PCSK5: variants seen among roughly 807,000 people sequenced by gnomAD.
PCSK5 encodes proprotein convertase subtilisin/kexin type 5.
A neutral mutation model predicts 233.2 loss-of-function variants in PCSK5; 129 were observed. The observed-to-expected ratio is 0.55, with a 90% CI of 0.48 to 0.64. The LOEUF (loss-of-function observed/expected upper bound fraction) is 0.64. PCSK5 is among the 30% of genes least tolerant of loss of function. The pLI is 0.00. For synonymous variants in PCSK5, 825 were observed against 879.2 expected, an observed-to-expected ratio of 0.94 and a Z score of 1.09; for missense variants, 2,076 against 2,430.1, an observed-to-expected ratio of 0.85 and a Z score of 3.06.
intron 35 of PCSK5, 116 bp from the exon 36 acceptor site, chr9:76,350,712 A>G: frequency 1.4e-6 from 1 of 698,656 alleles, no homozygotes; most frequent in South Asian, 1.8e-5. Context: ...TCCTCAATCA[A>G]TTCACCCTTC....
At chr9:76,166,055 T>A (rs972174910) in intron 12 of PCSK5, among the ~76,000 whole-genome samples, 10 of 152,196 alleles carry the variant, frequency 6.6e-5, no homozygotes, top group African/African-American at 1.9e-4. Flanking sequence ...AAGTATTGAA[T>A]CCAAGTTAAA....
intron 24 of PCSK5, among the ~76,000 whole-genome samples, chr9:76,285,556 G>T (rs7045119): frequency 4.0e-5 from 6 of 151,888 alleles, no homozygotes; most frequent in South Asian, 2.1e-4. Flanking sequence ...CAAGTGGTAG[G>T]GGGGGAGTCT....
intron 2 of PCSK5, among the ~76,000 whole-genome samples, chr9:75,956,206 C>G (rs1645000415): frequency 6.6e-6 from 1 of 152,182 alleles, no homozygotes; most frequent in South Asian, 2.1e-4. Flanking sequence ...AAGTTTTGGC[C>G]TTGGCATACT....
intron 1 of PCSK5, among the ~76,000 whole-genome samples, chr9:75,892,089 C>T (rs1028452173): frequency 6.6e-6 from 1 of 152,082 alleles, no homozygotes; most frequent in Non-Finnish European, 1.5e-5. Flanking sequence ...GGTTCCGCTC[C>T]GGGAAAACGA....
At chr9:76,260,306 C>T (rs1827128383) in intron 24 of PCSK5, among the ~76,000 whole-genome samples, 1 of 152,112 alleles carries the variant, frequency 6.6e-6, no homozygotes, top group African/African-American at 2.4e-5. Flanking sequence ...ATCCTCAGAG[C>T]CTATGAATAT....
intron 2 of PCSK5, among the ~76,000 whole-genome samples, chr9:75,977,656 G>GC (rs559286684): frequency 6.6e-5 from 10 of 150,542 alleles, no homozygotes; most frequent in Non-Finnish European, 1.2e-4. Context: ...TGTGACCCAG[G>GC]CAGGAGTGCA....
At chr9:76,053,603 C>T (rs1477783342) in intron 5 of PCSK5, among the ~76,000 whole-genome samples, 2 of 152,180 alleles carry the variant, frequency 1.3e-5, no homozygotes, top group African/African-American at 4.8e-5. Flanking sequence ...GAAAATACCA[C>T]AGTCTCTTTC....
At chr9:76,089,124 C>T (rs1831183853) in intron 7 of PCSK5, among the ~76,000 whole-genome samples, 1 of 152,022 alleles carries the variant, frequency 6.6e-6, no homozygotes, top group Non-Finnish European at 1.5e-5. Flanking sequence ...TGTCTCTCTC[C>T]AACTTCTTCC....
chr9:76,236,401 T>C (rs1475704013), intron 22 of PCSK5, among the ~76,000 whole-genome samples: 2 of 152,170 alleles, frequency 1.3e-5, no homozygotes, highest in Non-Finnish European at 2.9e-5. Flanking sequence ...CAATCCAAAC[T>C]CTTGTCCCCT....
chr9:75,908,008 A>G (rs932412087), intron 1 of PCSK5, among the ~76,000 whole-genome samples: 4 of 152,244 alleles, frequency 2.6e-5, no homozygotes, highest in Non-Finnish European at 5.9e-5. Context: ...TCCAGAGAGA[A>G]GGAGGGATTG....
intron 9 of PCSK5, among the ~76,000 whole-genome samples, chr9:76,118,346 G>C (rs1832510274): frequency 6.7e-6 from 1 of 148,898 alleles, no homozygotes; most frequent in Non-Finnish European, 1.5e-5. Flanking sequence ...GACTCATTCT[G>C]ATTATATATA....
chr9:76,071,618 A>C (rs1830483497), intron 6 of PCSK5, 108 bp from the exon 7 acceptor site: 1 of 886,766 alleles, frequency 1.1e-6, no homozygotes, highest in South Asian at 1.7e-5. Flanking sequence ...TGCTCACTTA[A>C]GTGTTGATTA....
rs539592288 is a variant in PCSK5 at position 76,205,917 on chromosome 9, C to G, written c.2626+16171C>G. On this transcript the variant is annotated intron_variant, in intron 20 of 37. Coordinates refer to ENST00000674117, the MANE Select transcript of PCSK5 (RefSeq NM_001372043.1). The stretch of plus-strand genomic sequence containing the variant: ...TGGCAAGTTTGGAAATATGCTTGCA[C>G]TGTGCACATTGGCCACTTTCTACTA... Among the ~76,000 whole-genome samples the G allele has an allele frequency of 3.3e-5, 5 of 152,246 alleles. No individual in the cohort carries two copies. In the South Asian group the frequency reaches 1.0e-3, roughly 32 times the overall value.
chr9:76,334,581 AC>A (rs1425337056), intron 34 of PCSK5, among the ~76,000 whole-genome samples: 1 of 151,920 alleles, frequency 6.6e-6, no homozygotes, highest in African/African-American at 2.4e-5. Flanking sequence ...AAATACAAAA[AC>A]TAGCCAGGCA....
chr9:76,135,727 GAGA>G (rs1822943123), intron 10 of PCSK5, among the ~76,000 whole-genome samples: 1 of 152,106 alleles, frequency 6.6e-6, no homozygotes, highest in Non-Finnish European at 1.5e-5. Context: ...CTGCAGGGGA[GAGA>G]AGGAGCTGAC....
intron 2 of PCSK5, among the ~76,000 whole-genome samples, chr9:75,974,233 G>C (rs905138177): frequency 6.6e-6 from 1 of 152,134 alleles, no homozygotes; most frequent in Admixed American, 6.5e-5. Context: ...GGCACCGCTC[G>C]CCTTCCCGTA....
intron 20 of PCSK5, among the ~76,000 whole-genome samples, chr9:76,204,518 C>T (rs1825037474): frequency 6.6e-6 from 1 of 151,708 alleles, no homozygotes; most frequent in Non-Finnish European, 1.5e-5. Context: ...CTCTGGCCTT[C>T]CTTTAGCCTG....
At chr9:76,229,195 A>T (rs35823552) in intron 21 of PCSK5, among the ~76,000 whole-genome samples, 1 of 152,074 alleles carries the variant, frequency 6.6e-6, no homozygotes, top group African/African-American at 2.4e-5. Flanking sequence ...ACTTACTCTA[A>T]GATACAGATA....
chr9:76,001,100 A>G (rs779187070), intron 3 of PCSK5, among the ~76,000 whole-genome samples: 1 of 152,050 alleles, frequency 6.6e-6, no homozygotes, highest in Non-Finnish European at 1.5e-5. Flanking sequence ...ACTCTCACCA[A>G]TTTTACATCT....
Sources: gnomAD v4.1 joint callset for allele counts (sites outside exome capture counted in the v4.1 genomes callset) on GRCh38, gnomAD v4.1.1 for gene constraint, MANE v1.5 for transcripts, NCBI Gene and HGNC (gene_info 2026-07-23, HGNC 2026-07-21) for gene names.